The following AK5 variants were observed in gnomAD, a reference collection of about 807,000 sequenced individuals.
AK5 encodes the protein adenylate kinase 5.
A neutral mutation model predicts 69.5 loss-of-function variants in AK5; 27 were observed. The ratio of observed to expected loss-of-function variants is 0.39; its 90% confidence interval spans 0.29 to 0.54. The LOEUF is 0.54. AK5 is among the 20% of genes least tolerant of loss of function. The probability of loss-of-function intolerance (pLI) is 0.71; values close to 1 mark genes in which losing one functional copy is unlikely to be tolerated. For missense variants in AK5, 531 were observed against 700.4 expected (o/e 0.76, Z 2.73); for synonymous variants, 260 against 244.4 (o/e 1.06, Z -0.60).
chr1:77,370,066 G>T (rs1044010980), intron 6 of AK5, among the ~76,000 whole-genome samples: 1 of 152,082 alleles, frequency 6.6e-6, no homozygotes, highest in Admixed American at 6.6e-5. Flanking sequence ...ACTTTTCCCC[G>T]CAGCTCCTGT....
intron 8 of AK5, among the ~76,000 whole-genome samples, chr1:77,459,587 G>A (rs561358360): frequency 6.6e-6 from 1 of 152,304 alleles, no homozygotes; most frequent in South Asian, 2.1e-4. Flanking sequence ...ATAGGTCTGA[G>A]GTAGCCTAAG....
At chr1:77,385,321 G>A (rs553189905) in intron 6 of AK5, among the ~76,000 whole-genome samples, 61 of 152,040 alleles carry the variant, frequency 4.0e-4, no homozygotes, top group African/African-American at 1.4e-3. Flanking sequence ...CACCACGCCC[G>A]GCTAATTTTT....
intron 3 of AK5, among the ~76,000 whole-genome samples, 189 bp from the exon 4 acceptor site, chr1:77,297,370 C>T (rs1373973945): frequency 6.6e-6 from 1 of 152,058 alleles, no homozygotes; most frequent in Non-Finnish European, 1.5e-5. Context: ...TTGGTCAAGA[C>T]AATTCTTTCC....
chr1:77,354,039 G>A (rs1481255928), intron 6 of AK5, among the ~76,000 whole-genome samples: 1 of 152,156 alleles, frequency 6.6e-6, no homozygotes, highest in Non-Finnish European at 1.5e-5. Context: ...ATTATTCCAT[G>A]CATTCAAGAA....
chr1:77,503,668 G>A (rs1230936809), intron 10 of AK5, among the ~76,000 whole-genome samples: 3 of 152,082 alleles, frequency 2.0e-5, no homozygotes, highest in South Asian at 2.1e-4. Context: ...TTGGGAGGCC[G>A]AGGCAGACGG....
chr1:77,399,977 G>T (rs953918822), intron 6 of AK5, among the ~76,000 whole-genome samples: 2 of 152,176 alleles, frequency 1.3e-5, no homozygotes, highest in Non-Finnish European at 2.9e-5. Context: ...GCCTGCCCTT[G>T]CTCCTTCTGA....
chr1:77,283,097 C>T, intron 1 of AK5: 1 of 985,848 alleles, frequency 1.0e-6, no homozygotes. Flanking sequence ...AGTCTTCAGA[C>T]CGCAGCACAG....
intron 6 of AK5, among the ~76,000 whole-genome samples, chr1:77,379,275 C>T (rs1647459441): frequency 6.6e-6 from 1 of 152,216 alleles, no homozygotes; most frequent in South Asian, 2.1e-4. Context: ...TTCAGCACCC[C>T]TTCTGGAGAC....
intron 10 of AK5, among the ~76,000 whole-genome samples, chr1:77,508,105 A>G (rs1657126382): frequency 1.3e-5 from 2 of 152,244 alleles, no homozygotes; most frequent in South Asian, 4.1e-4. Flanking sequence ...TCAACTAGTA[A>G]GTATAATGCA....
intron 8 of AK5, among the ~76,000 whole-genome samples, chr1:77,418,171 A>G (rs1195969407): frequency 6.6e-6 from 1 of 152,202 alleles, no homozygotes; most frequent in African/African-American, 2.4e-5. Context: ...TGGAGAACTC[A>G]CAGTTTCACA....
intron 5 of AK5, among the ~76,000 whole-genome samples, chr1:77,308,732 A>G (rs903282857): frequency 9.2e-5 from 14 of 152,114 alleles, no homozygotes; most frequent in African/African-American, 3.1e-4. Context: ...GAAACTAATA[A>G]GAGCTCCATG....
At position 77,533,346 on chromosome 1, in the gene AK5, T is replaced by C. The variant is rs565076576; in HGVS notation, c.1429-2501T>C. 7.2e-5 allele frequency among the ~76,000 whole-genome samples: 11 copies of C among 151,796 alleles called. No homozygotes were observed. In the East Asian group the frequency reaches 2.1e-3, roughly 29 times the overall value. On this transcript the variant is annotated intron_variant, in intron 12 of 13. Coordinates refer to ENST00000354567, the MANE Select transcript of AK5 (RefSeq NM_174858.3). Reference sequence around the variant, plus strand: ...GCCTGGCCACCATGGTGAAACCCCGTCTCTACTAAAAATACAAAAATTAGC... The same window carrying C: ...GCCTGGCCACCATGGTGAAACCCCGCCTCTACTAAAAATACAAAAATTAGC...
In AK5 at chr1:77,369,309, T is replaced by C. The variant is rs575742373; in HGVS notation, c.891+28741T>C. Among the ~76,000 whole-genome samples, 198 of 152,256 alleles carry C rather than the reference T, an allele frequency of 1.3e-3. 1 individual carries two copies. The highest frequency in any genetic ancestry group is 4.5e-3 in the African/African-American group (189 of 41,566). On this transcript the variant is annotated intron_variant, in intron 6 of 13. Coordinates refer to ENST00000354567, the MANE Select transcript of AK5 (RefSeq NM_174858.3). ...CTCTCCCCAGTCCACAAGCTCAAAA[T>C]TATTGAGAAGAGTATACATTTTTAT...
At chr1:77,467,985 C>A (rs1405973679) in intron 8 of AK5, among the ~76,000 whole-genome samples, 2 of 152,152 alleles carry the variant, frequency 1.3e-5, no homozygotes, top group Non-Finnish European at 2.9e-5. Context: ...AGGCTGAGAC[C>A]AGCAGCAGCA....
At chr1:77,345,860 T>G (rs897649872) in intron 6 of AK5, among the ~76,000 whole-genome samples, 2 of 152,190 alleles carry the variant, frequency 1.3e-5, no homozygotes, top group African/African-American at 4.8e-5. Context: ...CCAGCTCCCA[T>G]GCAACTGAAA....
At chr1:77,474,690 C>A (rs1654734382) in intron 8 of AK5, among the ~76,000 whole-genome samples, 1 of 152,202 alleles carries the variant, frequency 6.6e-6, no homozygotes. Flanking sequence ...CTGGACCCAC[C>A]TTCCCCCAAT....
chr1:77,383,071 T>C (rs1000553743), intron 6 of AK5, among the ~76,000 whole-genome samples: 1 of 152,224 alleles, frequency 6.6e-6, no homozygotes, highest in African/African-American at 2.4e-5. Flanking sequence ...ACCATTATTA[T>C]GATAAATGTC....
At chr1:77,507,061 T>A (rs957115249) in intron 10 of AK5, among the ~76,000 whole-genome samples, 1 of 152,138 alleles carries the variant, frequency 6.6e-6, no homozygotes, top group African/African-American at 2.4e-5. Flanking sequence ...ATTTAACAAA[T>A]GAAAATACAA....
At chr1:77,449,900 C>T (rs1417044570) in intron 8 of AK5, among the ~76,000 whole-genome samples, 1 of 152,144 alleles carries the variant, frequency 6.6e-6, no homozygotes, top group Non-Finnish European at 1.5e-5. Context: ...ATTGCAATGT[C>T]ATGCTACAAA....
Sources: allele counts gnomAD v4.1 joint callset (sites outside exome capture counted in the v4.1 genomes callset), GRCh38; gene constraint gnomAD v4.1.1; transcripts MANE v1.5; gene names NCBI Gene and HGNC (gene_info 2026-07-23, HGNC 2026-07-21).